The following ZNF154 variants were observed in gnomAD, a reference collection of about 807,000 sequenced individuals.
The protein encoded by ZNF154 is zinc finger protein 154.
In ZNF154, 6 loss-of-function variants were observed where a neutral mutation model predicts 7.5. That is an observed-to-expected ratio of 0.80 (90% CI 0.44 to 1.57). ZNF154 has a LOEUF of 1.57. Ranked by LOEUF, ZNF154 falls within the 40% of genes most tolerant of loss-of-function variation. The pLI is 0.01. For synonymous variants in ZNF154, 187 were observed against 185.9 expected (o/e 1.01, Z -0.05); for missense variants, 485 against 531.4 (o/e 0.91, Z 0.86).
chr19:57,701,373 C>T lies in ZNF154; in HGVS notation c.*262G>A, dbSNP rs1003093232. 8.6e-6 allele frequency: 4 copies of T among 464,866 alleles called. No individual in the cohort carries two copies. Among genetic ancestry groups the T allele is most frequent in the African/African-American group, 5.8e-5 (3 of 51,448 alleles). 28.8% of individuals were successfully genotyped at this position (464,866 alleles called of 1,614,324 possible). A position where few individuals can be genotyped will look rare whatever the true frequency, so the allele number is the denominator to read the frequency against. On this transcript the variant is annotated 3_prime_UTR_variant, in exon 3 of 3. Coordinates refer to ENST00000684351, the MANE Select transcript of ZNF154 (RefSeq NM_001085384.3). ...CCTGGGCAGGGCAAAAGGTGCAATG[C>T]AGTTCACACATACCTGGAATTTATG...
intron 2 of ZNF154, among the ~76,000 whole-genome samples, chr19:57,703,193 G>C (rs1259353108): frequency 6.6e-6 from 1 of 152,084 alleles, no homozygotes; most frequent in African/African-American, 2.4e-5. Context: ...CTAGGATAAA[G>C]ATTACAAGAA....
chr19:57,704,620 C>T (rs1985310754), intron 2 of ZNF154, among the ~76,000 whole-genome samples: 1 of 152,192 alleles, frequency 6.6e-6, no homozygotes. Flanking sequence ...GACTGCAAGA[C>T]TGCAGACTCT....
At chr19:57,705,455 A>T (rs1170774411) in intron 1 of ZNF154, among the ~76,000 whole-genome samples, 1 of 152,158 alleles carries the variant, frequency 6.6e-6, no homozygotes, top group Non-Finnish European at 1.5e-5. Context: ...AATACCTGAC[A>T]CTAGAAAGAC....
In ZNF154 at chr19:57,704,844, G is replaced by T. The variant is rs747060195; in HGVS notation, c.160+9C>A. 5 of 1,609,146 alleles carry T rather than the reference G, an allele frequency of 3.1e-6. No individual in the cohort carries two copies. Among genetic ancestry groups the T allele is most frequent in the Non-Finnish European group, 4.2e-6 (5 of 1,178,610 alleles). On this transcript the variant is annotated intron_variant, in intron 2 of 2. Transcript: ENST00000684351. The stretch of plus-strand genomic sequence containing the variant: ...GCTCAGGGCACAGGAAAGGGTAAAA[G>T]AACCTTACCTAGAGAGGTTAAAAGA...
In ZNF154 at chr19:57,702,551, T is replaced by G. The variant is rs1985219040; in HGVS notation, c.398A>C (p.Tyr133Ser). Reference protein sequence around the residue: ...GAISHRGKTHYNCGEHTKAFS... With the variant: ...GAISHRGKTHSNCGEHTKAFS... Reference sequence around the variant, plus strand: ...TGCTTTTGTGTGTTCTCCACAGTTGTAATGAGTTTTTCCTCTGTGACTGAT... The same window carrying G: ...TGCTTTTGTGTGTTCTCCACAGTTGGAATGAGTTTTTCCTCTGTGACTGAT... Residue 133 changes from tyrosine (Y) to serine (S), a missense_variant, in exon 3 of 3, where the codon TAC becomes TCC. Transcript: ENST00000684351. 1 of 1,614,014 alleles carries G rather than the reference T, an allele frequency of 6.2e-7. No individual in the cohort carries two copies. The highest frequency in any genetic ancestry group is 1.7e-5 in the Admixed American group (1 of 60,004).
At position 57,698,492 on chromosome 19, in the gene ZNF154, A is replaced by G. The variant is rs1984990744; in HGVS notation, c.*3143T>C. 1 of 152,234 alleles carries G rather than the reference A, an allele frequency of 6.6e-6. No homozygotes were observed. The highest frequency in any genetic ancestry group is 1.5e-5 in the Non-Finnish European group (1 of 68,046). The allele number at this position is 152,234 out of a possible 1,614,324, so 9.4% of individuals were successfully genotyped here. A position where few individuals can be genotyped will look rare whatever the true frequency, so the allele number is the denominator to read the frequency against. On this transcript the variant is annotated 3_prime_UTR_variant, in exon 3 of 3. Coordinates refer to ENST00000684351, the MANE Select transcript of ZNF154 (RefSeq NM_001085384.3). Reference sequence around the variant, plus strand: ...TCTTCCCAATTCTACATTCAGTAACATGTTGGCAGTTTCAAAATTGGCATG... The same window carrying G: ...TCTTCCCAATTCTACATTCAGTAACGTGTTGGCAGTTTCAAAATTGGCATG...
At position 57,698,854 on chromosome 19, in the gene ZNF154, C is replaced by G. The variant is rs892102253; in HGVS notation, c.*2781G>C. The G allele has an allele frequency of 1.3e-5, 2 of 152,146 alleles. No homozygotes were observed. Among genetic ancestry groups the G allele is most frequent in the African/African-American group, 4.8e-5 (2 of 41,422 alleles). The allele number at this position is 152,146 out of a possible 1,614,324, so 9.4% of individuals were successfully genotyped here. A position where few individuals can be genotyped will look rare whatever the true frequency, so the allele number is the denominator to read the frequency against. ...TGTTGCCCAGGCTGGAGTGCAGTGACATGATCTTGGCTCACTGCAACCTCC... is the reference window on the plus strand; with the variant it reads ...TGTTGCCCAGGCTGGAGTGCAGTGAGATGATCTTGGCTCACTGCAACCTCC... On this transcript the variant is annotated 3_prime_UTR_variant, in exon 3 of 3. Transcript: ENST00000684351.
chr19:57,701,842 G>A lies in ZNF154; in HGVS notation c.1107C>T (p.Ser369=). 1 of 1,614,032 alleles carries A rather than the reference G, an allele frequency of 6.2e-7. No individual in the cohort carries two copies. The highest frequency in any genetic ancestry group is 8.5e-7 in the Non-Finnish European group (1 of 1,179,998). The change falls in exon 3 of 3, where the codon AGC becomes AGT. Residue 369 remains serine (S), a synonymous_variant. Transcript: ENST00000684351. ...CSECGKFFPY[S]SSLRKHQRVH... ...CTCTCTGGTGTTTTCGGAGACTGGA[G>A]CTGTAGGGAAAGAACTTCCCACATT...
At chr19:57,706,210 A>G (rs553413870) in intron 1 of ZNF154, among the ~76,000 whole-genome samples, 2 of 152,222 alleles carry the variant, frequency 1.3e-5, no homozygotes, top group African/African-American at 4.8e-5. Flanking sequence ...ATACTACCCT[A>G]GATCTCCCAG....
At chr19:57,708,176 T>A (rs1985469673) in intron 1 of ZNF154, among the ~76,000 whole-genome samples, 1 of 152,180 alleles carries the variant, frequency 6.6e-6, no homozygotes, top group African/African-American at 2.4e-5. Context: ...TCTTGCCAAC[T>A]GTAGGGCAAT....
Position 57,697,681 on chromosome 19 carries a change from T to C in ZNF154, c.*3954A>G, listed in dbSNP as rs199945280. On this transcript the variant is annotated 3_prime_UTR_variant, in exon 3 of 3. Transcript: ENST00000684351. Reference sequence around the variant, plus strand: ...CATTAAATAATATGATATCCGGGAGTATAAGTAAAATAACGCACTAGTACA... The same window carrying C: ...CATTAAATAATATGATATCCGGGAGCATAAGTAAAATAACGCACTAGTACA... The C allele has an allele frequency of 6.6e-6, 1 of 151,924 alleles. No individual in the cohort carries two copies. Among genetic ancestry groups the C allele is most frequent in the East Asian group, 1.9e-4 (1 of 5,178 alleles). The allele number at this position is 151,924 out of a possible 1,614,324, so 9.4% of individuals were successfully genotyped here.
At chr19:57,708,065 T>G (rs1399345646) in intron 1 of ZNF154, among the ~76,000 whole-genome samples, 3 of 152,090 alleles carry the variant, frequency 2.0e-5, no homozygotes, top group African/African-American at 7.2e-5. Flanking sequence ...GAAAGAGGAA[T>G]GCATCCCTGG....
In ZNF154 at chr19:57,701,750, A is replaced by C. The variant is rs2122386341; in HGVS notation, c.1199T>G (p.Leu400Arg). 6.2e-7 allele frequency: 1 copy of C among 1,614,130 alleles called. No individual in the cohort carries two copies. Among genetic ancestry groups the C allele is most frequent in the Middle Eastern group, 1.6e-4 (1 of 6,062 alleles). ...CGKSFTQNSG[L>R]IKHRRVHTGE... is the part of the protein sequence containing the mutation. ...AGTGTGAACCCTCCTGTGCTTAATG[A>C]GGCCGGAATTTTGAGTAAAGGATTT... The change falls in exon 3 of 3, where the codon CTC becomes CGC. Residue 400 changes from leucine (L) to arginine (R), a missense_variant. By Grantham distance (102) the Leu-to-Arg change is moderately radical (BLOSUM62 -2). Transcript: ENST00000684351.
chr19:57,701,770 G>A lies in ZNF154; in HGVS notation c.1179C>T (p.Ser393=), dbSNP rs1424413490. 1 of 1,614,004 alleles carries A rather than the reference G, an allele frequency of 6.2e-7. No homozygotes were observed. Among genetic ancestry groups the A allele is most frequent in the Non-Finnish European group, 8.5e-7 (1 of 1,179,994 alleles). ...TAATGAGGCCGGAATTTTGAGTAAA[G>A]GATTTCCCACATTCACTGCACTCAT... is the stretch of plus-strand genomic sequence containing the variant. ...RPYECSECGK[S]FTQNSGLIKH... is the part of the protein sequence containing the mutation. Residue 393 remains serine, a synonymous_variant, in exon 3 of 3, where the codon TCC becomes TCT. Transcript: ENST00000684351.
rs534088364 is a variant in ZNF154, at chr19:57,708,921, G to A, written c.33+18C>T. On this transcript the variant is annotated intron_variant, in intron 1 of 2. Coordinates refer to ENST00000684351, the MANE Select transcript of ZNF154 (RefSeq NM_001085384.3). Reference sequence around the variant, plus strand: ...GGGTGGGGGAAGGTGTGTGAGGACGGGAAGACGCCGCACTCACCTGAGTTG... The same window carrying A: ...GGGTGGGGGAAGGTGTGTGAGGACGAGAAGACGCCGCACTCACCTGAGTTG... The A allele has an allele frequency of 3.2e-5, 50 of 1,558,914 alleles. No homozygotes were observed. The highest frequency in any genetic ancestry group is 4.2e-5 in the Non-Finnish European group (48 of 1,151,660).
At position 57,701,484 on chromosome 19, in the gene ZNF154, T is replaced by C. The variant is rs1027425207; in HGVS notation, c.*151A>G. ...TCAGAGCTGTTATATCAACTGGACA[T>C]CCCTACATATCAAAAGTGTCTTTCC... On this transcript the variant is annotated 3_prime_UTR_variant, in exon 3 of 3. Coordinates refer to ENST00000684351, the MANE Select transcript of ZNF154 (RefSeq NM_001085384.3). 7 of 810,088 alleles carry C rather than the reference T, an allele frequency of 8.6e-6. No homozygotes were observed. The African/African-American group carries it at 1.0e-4, about 12-fold the overall frequency. 50.2% of individuals were successfully genotyped at this position (810,088 alleles called of 1,614,324 possible).
At position 57,696,772 on chromosome 19, in the gene ZNF154, C is replaced by A. The variant is rs1213926965; in HGVS notation, c.*4863G>T. On this transcript the variant is annotated 3_prime_UTR_variant, in exon 3 of 3. Transcript: ENST00000684351. ...GAAATCCCTCAGCTATAAATACAGT[C>A]CCTCAGCACTTTTCACTCCCCTTCC... Among the ~76,000 whole-genome samples, 1 of 152,118 alleles carries A rather than the reference C, an allele frequency of 6.6e-6. No homozygotes were observed. The highest frequency in any genetic ancestry group is 1.9e-4 in the East Asian group (1 of 5,190).
At chr19:57,704,771 T>A in intron 2 of ZNF154, 82 bp downstream of exon 2, 1 of 1,524,930 alleles carries the variant, frequency 6.6e-7, no homozygotes. Flanking sequence ...AGTCTTGTCA[T>A]GAGAAGGACA....
At chr19:57,708,635 A>G (rs746175807) in intron 1 of ZNF154, among the ~76,000 whole-genome samples, 6 of 152,130 alleles carry the variant, frequency 3.9e-5, no homozygotes, top group African/African-American at 1.4e-4. Context: ...CGTGGCTTCT[A>G]GCATCCTCAC....
Sources: allele counts gnomAD v4.1 joint callset (sites outside exome capture counted in the v4.1 genomes callset), GRCh38; gene constraint gnomAD v4.1.1; transcripts MANE v1.5; gene names NCBI Gene and HGNC (gene_info 2026-07-23, HGNC 2026-07-21).